Variants in SPAG9 observed in about 807,000 individuals in gnomAD.
SPAG9 encodes the protein sperm associated antigen 9.
In SPAG9, 35 loss-of-function variants were observed where a neutral mutation model predicts 166.5. The ratio of observed to expected loss-of-function variants is 0.21; its 90% CI spans 0.16 to 0.28. The LOEUF is 0.28. Ranked by LOEUF, SPAG9 falls within the 10% of genes least tolerant of loss-of-function variation. SPAG9 has a pLI of 1.00. For synonymous variants in SPAG9, 534 were observed against 565.5 expected, an observed-to-expected ratio of 0.94 and a Z score of 0.79; for missense variants, 1,235 against 1,603.3, an observed-to-expected ratio of 0.77 and a Z score of 3.92.
At chr17:51,078,935 T>C (rs934234719) in intron 2 of SPAG9, among the ~76,000 whole-genome samples, 2 of 152,140 alleles carry the variant, frequency 1.3e-5, no homozygotes, top group Non-Finnish European at 2.9e-5. Flanking sequence ...AAAATGGAGC[T>C]TTGTGTACTT....
In SPAG9 at chr17:50,974,862, T is replaced by C. The variant is rs766474888; in HGVS notation, c.3609A>G (p.Pro1203=). ...YGDENSDKVT[P]GTFIPYCSMA... is the part of the protein sequence containing the mutation. ...TTGAACAATAGGGTATAAATGTCCC[T>C]GGAGTCACTTTATCACTGTTTTCAT... The change falls in exon 28 of 30, where the codon CCA becomes CCG. Residue 1203 remains proline (P), a synonymous_variant. Coordinates refer to ENST00000262013, the MANE Select transcript of SPAG9 (RefSeq NM_001130528.3). 16 of 1,612,788 alleles carry C rather than the reference T, an allele frequency of 9.9e-6. 1 individual carries two copies. In the Middle Eastern group the frequency reaches 4.9e-4, roughly 50 times the overall value.
intron 19 of SPAG9, among the ~76,000 whole-genome samples, chr17:50,991,065 C>G (rs1271944678): frequency 1.3e-5 from 2 of 151,958 alleles, no homozygotes; most frequent in Non-Finnish European, 2.9e-5. Flanking sequence ...AGCCACCACG[C>G]CTGGCTAATT....
In SPAG9 at chr17:51,028,988, T is replaced by C. The variant is rs557402207; in HGVS notation, c.783+2693A>G. Among the ~76,000 whole-genome samples the C allele has an allele frequency of 7.2e-5, 11 of 152,304 alleles. No individual in the cohort carries two copies. The South Asian group carries it at 2.3e-3, about 32-fold the overall frequency. ...TCAATGGCATGAGTGGTGGCAAACA[T>C]GGAGACTTACGCAGTCATCAAGTCT... On this transcript the variant is annotated intron_variant, in intron 6 of 29. Transcript: ENST00000262013.
chr17:51,029,754 G>C (rs1025565679), intron 6 of SPAG9, among the ~76,000 whole-genome samples: 2 of 152,150 alleles, frequency 1.3e-5, no homozygotes, highest in Non-Finnish European at 2.9e-5. Context: ...GGTAGTTTCC[G>C]GGGCTACAGT....
chr17:51,092,022 C>T (rs1053916838), intron 1 of SPAG9, among the ~76,000 whole-genome samples: 1 of 147,472 alleles, frequency 6.8e-6, no homozygotes, highest in Middle Eastern at 3.5e-3. Context: ...AAGGTTGTTG[C>T]TTGTTGGAGT....
At chr17:51,061,080 T>G (rs549008907) in intron 2 of SPAG9, among the ~76,000 whole-genome samples, 40 of 151,874 alleles carry the variant, frequency 2.6e-4, no homozygotes, top group African/African-American at 9.4e-4. Context: ...TCTCCTGACC[T>G]CGTGATCCAC....
intron 14 of SPAG9, 89 bp downstream of exon 14, chr17:50,999,572 A>G (rs1417981994): frequency 6.9e-7 from 1 of 1,439,634 alleles, no homozygotes; most frequent in East Asian, 2.3e-5. Flanking sequence ...AGGAAAGAAA[A>G]TGGACATAAA....
intron 18 of SPAG9, 111 bp downstream of exon 18, chr17:50,994,946 A>C: frequency 1.4e-6 from 1 of 722,188 alleles, no homozygotes; most frequent in Non-Finnish European, 2.3e-6. Flanking sequence ...AGGGACAGTA[A>C]GCCAGGGCAT....
At chr17:51,096,455 A>G (rs1036041303) in intron 1 of SPAG9, among the ~76,000 whole-genome samples, 3 of 152,162 alleles carry the variant, frequency 2.0e-5, no homozygotes, top group African/African-American at 7.2e-5. Context: ...GCAAAGATAC[A>G]AGAAAATAAG....
intron 29 of SPAG9, among the ~76,000 whole-genome samples, chr17:50,966,673 G>T (rs1405162241): frequency 6.6e-6 from 1 of 152,300 alleles, no homozygotes; most frequent in African/African-American, 2.4e-5. Context: ...TCTGCATACC[G>T]ATGGTCCAGA....
intron 2 of SPAG9, among the ~76,000 whole-genome samples, chr17:51,072,648 C>T (rs954620891): frequency 5.3e-5 from 8 of 151,950 alleles, no homozygotes; most frequent in Non-Finnish European, 1.2e-4. Flanking sequence ...CGCGCCACTG[C>T]ACTCCAACCT....
chr17:51,029,044 T>C (rs1223327853), intron 6 of SPAG9, among the ~76,000 whole-genome samples: 1 of 152,186 alleles, frequency 6.6e-6, no homozygotes, highest in African/African-American at 2.4e-5. Flanking sequence ...ATAGCCCCAT[T>C]TTCCCCTTTA....
chr17:51,119,102 C>T (rs1034675618), intron 1 of SPAG9, among the ~76,000 whole-genome samples: 1 of 150,274 alleles, frequency 6.7e-6, no homozygotes, highest in Non-Finnish European at 1.5e-5. Context: ...AAAATTGGAT[C>T]CCACAATCAG....
At chr17:51,041,848 C>T (rs145343066) in intron 4 of SPAG9, among the ~76,000 whole-genome samples, 197 bp from the exon 5 acceptor site, 1 of 152,264 alleles carries the variant, frequency 6.6e-6, no homozygotes, top group African/African-American at 2.4e-5. Flanking sequence ...AAATTAGCCT[C>T]AAGAAATCAA....
At chr17:51,034,906 T>C (rs552658717) in intron 5 of SPAG9, among the ~76,000 whole-genome samples, 2 of 152,010 alleles carry the variant, frequency 1.3e-5, no homozygotes, top group Non-Finnish European at 2.9e-5. Context: ...GGGAGAGACA[T>C]TCTACAAAAC....
chr17:50,972,071 A>C (rs1973865951), intron 28 of SPAG9, among the ~76,000 whole-genome samples: 1 of 152,144 alleles, frequency 6.6e-6, no homozygotes, highest in Non-Finnish European at 1.5e-5. Flanking sequence ...CTGGTCTCTT[A>C]AAAATTTTTA....
intron 2 of SPAG9, among the ~76,000 whole-genome samples, chr17:51,072,314 C>T (rs2047842904): frequency 6.8e-6 from 1 of 148,082 alleles, no homozygotes; most frequent in Non-Finnish European, 1.5e-5. Context: ...TGAGGTGATA[C>T]GCCTGCCTCG....
chr17:50,983,519 A>C lies in SPAG9; in HGVS notation c.3089-847T>G, dbSNP rs548302566. Among the ~76,000 whole-genome samples the C allele has an allele frequency of 4.3e-4, 66 of 152,320 alleles. 1 individual carries two copies. Among genetic ancestry groups the C allele is most frequent in the South Asian group, 1.5e-3 (7 of 4,824 alleles). On this transcript the variant is annotated intron_variant, in intron 24 of 29. Transcript: ENST00000262013. The stretch of plus-strand genomic sequence containing the variant: ...CCTTGTCTTTGAGGCTTAAGGCATT[A>C]AACTCATATTGAGTTTATAGTCAAC...
In SPAG9 at chr17:51,120,247, G is replaced by A; in HGVS notation, c.303+107C>T. 9.9e-7 allele frequency: 1 copy of A among 1,013,658 alleles called. No individual in the cohort carries two copies. Among genetic ancestry groups the A allele is most frequent in the Non-Finnish European group, 1.4e-6 (1 of 735,840 alleles). 62.8% of individuals were successfully genotyped at this position (1,013,658 alleles called of 1,614,324 possible). ...CCCAGGGGGCATCGGCCTCAGGCCCGCCCTCCAGGAGGCCCGTCGCGCCTC... is the reference window on the plus strand; with the variant it reads ...CCCAGGGGGCATCGGCCTCAGGCCCACCCTCCAGGAGGCCCGTCGCGCCTC... On this transcript the variant is annotated intron_variant, in intron 1 of 29. Transcript: ENST00000262013. This position sits in a 1 kb window ranked among gnomAD's most constrained non-coding sequence, Gnocchi z 4.7.
Sources: allele counts gnomAD v4.1 joint callset (sites outside exome capture counted in the v4.1 genomes callset), GRCh38; gene constraint gnomAD v4.1.1; non-coding constraint Gnocchi (gnomAD v3.1); transcripts MANE v1.5; gene names NCBI Gene and HGNC (gene_info 2026-07-23, HGNC 2026-07-21).